Variants in RIN2 observed in about 807,000 individuals in gnomAD.
RIN2 encodes RAB5 interacting protein 2.
Under a neutral mutation model 78.0 loss-of-function variants are expected in RIN2, and 36 were observed. That is an observed-to-expected ratio of 0.46 (90% confidence interval 0.35 to 0.61). RIN2 has a LOEUF of 0.61. RIN2 is among the 20% of genes least tolerant of loss of function. The pLI is 0.00. For synonymous variants in RIN2, 466 were observed against 466.8 expected (o/e 1.00, Z 0.02); for missense variants, 1,087 against 1,159.7 (o/e 0.94, Z 0.91).
intron 1 of RIN2, among the ~76,000 whole-genome samples, chr20:19,797,512 T>C (rs1391932341): frequency 3.3e-5 from 5 of 152,234 alleles, no homozygotes; most frequent in African/African-American, 1.2e-4. Flanking sequence ...ACAGGCTCCC[T>C]TTACTCTGTG....
intron 2 of RIN2, among the ~76,000 whole-genome samples, chr20:19,829,797 G>A (rs1330660474): frequency 6.6e-6 from 1 of 152,286 alleles, no homozygotes; most frequent in East Asian, 1.9e-4. Context: ...CTGCTGAATT[G>A]GGAGACCCCC....
intron 2 of RIN2, among the ~76,000 whole-genome samples, chr20:19,845,994 C>T (rs2036770482): frequency 6.6e-6 from 1 of 152,140 alleles, no homozygotes; most frequent in African/African-American, 2.4e-5. Context: ...AATCCTTTCC[C>T]CATTGCTTGT....
At chr20:19,964,139 C>T (rs762978720) in intron 6 of RIN2, among the ~76,000 whole-genome samples, 8 of 152,042 alleles carry the variant, frequency 5.3e-5, no homozygotes, top group Non-Finnish European at 1.0e-4. Context: ...GCTGGGATTA[C>T]GGGCGTGAGC....
chr20:19,851,245 G>A (rs944332623), intron 2 of RIN2, among the ~76,000 whole-genome samples: 5 of 152,128 alleles, frequency 3.3e-5, no homozygotes, highest in African/African-American at 4.8e-5. Flanking sequence ...ATGATGCTGG[G>A]GAAGGGACCC....
intron 9 of RIN2, among the ~76,000 whole-genome samples, chr20:19,984,115 C>T (rs1377929434): frequency 2.0e-5 from 3 of 150,898 alleles, no homozygotes; most frequent in African/African-American, 4.9e-5. Flanking sequence ...CCAAACACTG[C>T]ATGTTCTCAC....
intron 3 of RIN2, among the ~76,000 whole-genome samples, chr20:19,933,348 T>A (rs1273062006): frequency 6.6e-6 from 1 of 152,300 alleles, no homozygotes; most frequent in African/African-American, 2.4e-5. Context: ...TTTCTCTCCA[T>A]GTGGAGGGCT....
chr20:19,942,073 G>A (rs144299087), intron 4 of RIN2, among the ~76,000 whole-genome samples: 1 of 147,120 alleles, frequency 6.8e-6, no homozygotes, highest in East Asian at 2.0e-4. Context: ...TCAAGCCACT[G>A]CACTCCAGCA....
chr20:19,934,317 G>A (rs1195546927), intron 3 of RIN2, among the ~76,000 whole-genome samples: 5 of 152,210 alleles, frequency 3.3e-5, no homozygotes, highest in Non-Finnish European at 7.3e-5. Context: ...TGGCACCCTT[G>A]AGAACAGCCA....
chr20:19,985,408 A>G (rs2042591389), intron 9 of RIN2, among the ~76,000 whole-genome samples: 1 of 152,220 alleles, frequency 6.6e-6, no homozygotes, highest in South Asian at 2.1e-4. Context: ...TATGGCCTCT[A>G]CCACTTTCCT....
chr20:19,915,967 C>T (rs1025005919), intron 3 of RIN2, among the ~76,000 whole-genome samples: 2 of 152,180 alleles, frequency 1.3e-5, no homozygotes, highest in Non-Finnish European at 2.9e-5. Flanking sequence ...TCTGGCCGAG[C>T]GCTGTGGCTC....
At chr20:19,898,452 A>G (rs1568585433) in intron 3 of RIN2, among the ~76,000 whole-genome samples, 1 of 152,248 alleles carries the variant, frequency 6.6e-6, no homozygotes, top group Non-Finnish European at 1.5e-5. Context: ...CTTGTACAAT[A>G]TAGAATGAAC....
chr20:19,812,941 G>A (rs2035649003), intron 2 of RIN2, among the ~76,000 whole-genome samples: 1 of 152,204 alleles, frequency 6.6e-6, no homozygotes, highest in South Asian at 2.1e-4. Context: ...AGCTTCCTCA[G>A]CATTGTCCCT....
intron 11 of RIN2, among the ~76,000 whole-genome samples, chr20:19,992,685 A>G (rs1016979099): frequency 2.0e-5 from 3 of 152,088 alleles, no homozygotes; most frequent in Non-Finnish European, 2.9e-5. Flanking sequence ...ATACTTCACT[A>G]AGATTGCTTA....
intron 2 of RIN2, among the ~76,000 whole-genome samples, chr20:19,881,189 G>A (rs2038017261): frequency 6.6e-6 from 1 of 152,214 alleles, no homozygotes; most frequent in South Asian, 2.1e-4. Flanking sequence ...CTGCTCACTA[G>A]AGCTGATTGT....
intron 4 of RIN2, among the ~76,000 whole-genome samples, chr20:19,936,682 G>A (rs1414946549): frequency 6.6e-6 from 1 of 152,170 alleles, no homozygotes; most frequent in Non-Finnish European, 1.5e-5. Flanking sequence ...TTCTGACTCC[G>A]GTGGGTATTA....
At chr20:19,847,058 T>C (rs553349317) in intron 2 of RIN2, among the ~76,000 whole-genome samples, 64 of 152,376 alleles carry the variant, frequency 4.2e-4, no homozygotes, top group South Asian at 3.1e-3. Context: ...GTTTATCTCT[T>C]TTTGTAATAT....
intron 4 of RIN2, among the ~76,000 whole-genome samples, chr20:19,940,016 G>T (rs921156899): frequency 6.6e-6 from 1 of 151,968 alleles, no homozygotes; most frequent in African/African-American, 2.4e-5. Flanking sequence ...CACCACCACC[G>T]GCTAAGTTTT....
chr20:19,910,767 C>T (rs2039430002), intron 3 of RIN2, among the ~76,000 whole-genome samples: 1 of 151,770 alleles, frequency 6.6e-6, no homozygotes, highest in African/African-American at 2.4e-5. Flanking sequence ...AGAGTTTCTC[C>T]ATGTTGGCCA....
At chr20:19,845,714 A>G (rs2036760365) in intron 2 of RIN2, among the ~76,000 whole-genome samples, 1 of 152,098 alleles carries the variant, frequency 6.6e-6, no homozygotes, top group South Asian at 2.1e-4. Flanking sequence ...TTTGCTGTGC[A>G]GAAGCTCTTT....
Sources: gnomAD v4.1 joint callset for allele counts (sites outside exome capture counted in the v4.1 genomes callset) on GRCh38, gnomAD v4.1.1 for gene constraint, MANE v1.5 for transcripts, NCBI Gene and HGNC (gene_info 2026-07-23, HGNC 2026-07-21) for gene names.